Variants in STPG2 observed in about 807,000 individuals in gnomAD.
The protein encoded by STPG2 is sperm tail PG-rich repeat containing 2, also known as sperm-tail PG-rich repeat-containing protein 2.
In STPG2, 56 loss-of-function variants were observed where a neutral mutation model predicts 54.2. That is an observed-to-expected ratio of 1.03 (90% CI 0.83 to 1.29). The LOEUF (loss-of-function observed/expected upper bound fraction) is 1.29, where lower values mean the gene tolerates loss of function less well. Among genes scored for constraint, STPG2 ranks in the 50% most tolerant of loss-of-function variants. The probability of loss-of-function intolerance (pLI) is 0.00; values close to 1 mark genes in which losing one functional copy is unlikely to be tolerated. For missense variants in STPG2, 596 were observed against 544.9 expected (o/e 1.09, Z -0.93); for synonymous variants, 200 against 181.8 (o/e 1.10, Z -0.81).
intron 9 of STPG2, among the ~76,000 whole-genome samples, chr4:97,839,160 A>G (rs1728720023): frequency 6.6e-6 from 1 of 151,624 alleles, no homozygotes; most frequent in African/African-American, 2.4e-5. Context: ...TCATATTATG[A>G]TAAGATCTTA....
chr4:97,462,131 T>C (rs1016688419), intron 4 of STPG2, among the ~76,000 whole-genome samples: 1 of 152,106 alleles, frequency 6.6e-6, no homozygotes, highest in African/African-American at 2.4e-5. Flanking sequence ...TAGTGTAAGA[T>C]AGTACTCAAA....
intron 9 of STPG2, among the ~76,000 whole-genome samples, chr4:97,823,245 C>T (rs1728141495): frequency 6.6e-6 from 1 of 152,174 alleles, no homozygotes; most frequent in South Asian, 2.1e-4. Flanking sequence ...GAAGTCAACG[C>T]CTGGCTTCAA....
chr4:97,997,265 A>C (rs1735271026), intron 5 of STPG2, among the ~76,000 whole-genome samples: 1 of 152,218 alleles, frequency 6.6e-6, no homozygotes, highest in Non-Finnish European at 1.5e-5. Flanking sequence ...GTAATTTATA[A>C]GAAAAGAGAT....
chr4:97,808,793 G>A (rs532380458), intron 9 of STPG2, among the ~76,000 whole-genome samples: 1 of 149,106 alleles, frequency 6.7e-6, no homozygotes, highest in African/African-American at 2.5e-5. Flanking sequence ...CTAAACCAAA[G>A]AAAGTTTATA....
rs146990579 is a variant in STPG2 at position 98,093,038 on chromosome 4, G to A, written c.612+12915C>T. Reference sequence around the variant, plus strand: ...GTCAATAAAGAGCCAAAGTATTGGCGCCACCTAGTGAAACTGTACTCAGTT... The same window carrying A: ...GTCAATAAAGAGCCAAAGTATTGGCACCACCTAGTGAAACTGTACTCAGTT... On this transcript the variant is annotated intron_variant, in intron 5 of 10. Transcript: ENST00000295268. 2.7e-3 allele frequency among the ~76,000 whole-genome samples: 407 copies of A among 152,164 alleles called. 1 individual carries two copies. Among genetic ancestry groups the A allele is most frequent in the Non-Finnish European group, 4.4e-3 (300 of 67,984 alleles).
intron 5 of STPG2, among the ~76,000 whole-genome samples, chr4:98,005,225 T>A (rs1166180242): frequency 2.0e-5 from 3 of 152,132 alleles, no homozygotes; most frequent in African/African-American, 7.2e-5. Context: ...GGCAGCTGAT[T>A]AGATGATGCC....
intron 9 of STPG2, among the ~76,000 whole-genome samples, chr4:97,782,505 A>G (rs1384192805): frequency 6.6e-6 from 1 of 152,216 alleles, no homozygotes; most frequent in African/African-American, 2.4e-5. Flanking sequence ...GATACTGACC[A>G]AGGTAATTTA....
chr4:97,813,206 G>T (rs1578586626), intron 9 of STPG2, among the ~76,000 whole-genome samples: 1 of 151,472 alleles, frequency 6.6e-6, no homozygotes, highest in South Asian at 2.1e-4. Context: ...AATAACGCTA[G>T]GTATAACTGT....
intron 8 of STPG2, among the ~76,000 whole-genome samples, chr4:97,938,432 G>T (rs2149226190): frequency 3.7e-5 from 1 of 27,094 alleles, no homozygotes; most frequent in Admixed American, 4.3e-4. Flanking sequence ...AGTTGTCTTA[G>T]GCAGTCAGTA....
intron 4 of STPG2, among the ~76,000 whole-genome samples, chr4:97,499,790 A>C (rs1395499629): frequency 6.6e-6 from 1 of 152,016 alleles, no homozygotes; most frequent in Non-Finnish European, 1.5e-5. Flanking sequence ...TCCAGGCAGC[A>C]GAAACAGCTA....
At chr4:97,519,691 G>T (rs1395304823) in intron 4 of STPG2, among the ~76,000 whole-genome samples, 1 of 151,850 alleles carries the variant, frequency 6.6e-6, no homozygotes, top group Non-Finnish European at 1.5e-5. Flanking sequence ...CTGAATAGAG[G>T]ATGTCATTTA....
chr4:97,490,730 C>T (rs907476435), intron 4 of STPG2, among the ~76,000 whole-genome samples: 4 of 151,534 alleles, frequency 2.6e-5, no homozygotes, highest in Admixed American at 2.6e-4. Context: ...TGCCAATTTC[C>T]ACTGCCCCTT....
intron 10 of STPG2, among the ~76,000 whole-genome samples, chr4:97,697,761 C>A (rs553199153): frequency 6.6e-6 from 1 of 152,266 alleles, no homozygotes; most frequent in Admixed American, 6.5e-5. Context: ...GCAAGTAACA[C>A]CTGGCCCACC....
chr4:97,694,812 C>CAAAAA lies in STPG2; in HGVS notation c.1320+17882_1320+17886dup, dbSNP rs70953083. On this transcript the variant is annotated intron_variant, in intron 10 of 10. Transcript: ENST00000295268. ...TGGGTTACAGAGCAAGACTCTGTCA[C>CAAAAA]AAAAAAAAAAAAAAAAAAAAAAAAA... 3.9e-4 allele frequency among the ~76,000 whole-genome samples: 17 copies of CAAAAA among 44,044 alleles called. 1 individual carries two copies. Among genetic ancestry groups the CAAAAA allele is most frequent in the Non-Finnish European group, 6.0e-4 (14 of 23,456 alleles). 28.9% of individuals were successfully genotyped at this position (44,044 alleles called of 152,430 possible).
intron 9 of STPG2, among the ~76,000 whole-genome samples, chr4:97,829,261 C>G (rs1728363476): frequency 6.6e-6 from 1 of 152,092 alleles, no homozygotes; most frequent in Non-Finnish European, 1.5e-5. Context: ...CCAGAAAACT[C>G]CAGCAGACCT....
intron 9 of STPG2, among the ~76,000 whole-genome samples, chr4:97,782,909 C>T (rs1225018771): frequency 6.6e-6 from 1 of 152,178 alleles, no homozygotes; most frequent in African/African-American, 2.4e-5. Flanking sequence ...CCCTTCCTTA[C>T]ACCTTATACA....
chr4:98,018,780 ATTTTTTC>A, intron 5 of STPG2, among the ~76,000 whole-genome samples: 1 of 151,240 alleles, frequency 6.6e-6, no homozygotes, highest in African/African-American at 2.4e-5. Context: ...GATGATGAGC[ATTTTTTC>A]ATGTGTTTTT....
At chr4:97,791,690 A>G (rs1037198553) in intron 9 of STPG2, among the ~76,000 whole-genome samples, 4 of 152,118 alleles carry the variant, frequency 2.6e-5, no homozygotes, top group Non-Finnish European at 5.9e-5. Flanking sequence ...TTATTATTAC[A>G]TATATAGAAC....
At position 98,139,230 on chromosome 4, in the gene STPG2, C is replaced by T. The variant is rs563405925; in HGVS notation, c.109+3812G>A. On this transcript the variant is annotated intron_variant, in intron 1 of 10. Coordinates refer to ENST00000295268, the MANE Select transcript of STPG2 (RefSeq NM_174952.3). Reference sequence around the variant, plus strand: ...TCAAATGGCCTACAGCCACGGAAATCGAGTTTCAATTAAGGTAAAAAGAAT... The same window carrying T: ...TCAAATGGCCTACAGCCACGGAAATTGAGTTTCAATTAAGGTAAAAAGAAT... 1.2e-4 allele frequency among the ~76,000 whole-genome samples: 18 copies of T among 152,106 alleles called. No homozygotes were observed. In the Middle Eastern group the frequency reaches 0.014, roughly 115 times the overall value.
Sources: allele counts gnomAD v4.1 joint callset (sites outside exome capture counted in the v4.1 genomes callset), GRCh38; gene constraint gnomAD v4.1.1; transcripts MANE v1.5; gene names NCBI Gene and HGNC (gene_info 2026-07-23, HGNC 2026-07-21).